Variants in MARCHF10 observed in about 807,000 individuals in gnomAD.
MARCHF10 encodes probable E3 ubiquitin-protein ligase MARCHF10.
Under a neutral mutation model 76.2 loss-of-function variants are expected in MARCHF10, and 64 were observed. The ratio of observed to expected loss-of-function variants is 0.84; its 90% CI spans 0.69 to 1.03. The LOEUF (loss-of-function observed/expected upper bound fraction) is 1.03, where lower values mean the gene tolerates loss of function less well. Among genes scored for constraint, MARCHF10 ranks in the 50% least tolerant of loss-of-function variants. The pLI is 0.00. For missense variants in MARCHF10, 875 were observed against 958.0 expected (o/e 0.91, Z 1.14); for synonymous variants, 340 against 357.5 (o/e 0.95, Z 0.55).
intron 2 of MARCHF10, among the ~76,000 whole-genome samples, chr17:62,796,986 C>A (rs1021809657): frequency 6.6e-6 from 1 of 151,926 alleles, no homozygotes; most frequent in Non-Finnish European, 1.5e-5. Flanking sequence ...ACTGCACCCC[C>A]ACCTGGACAA....
intron 2 of MARCHF10, among the ~76,000 whole-genome samples, chr17:62,794,386 T>A (rs2092949967): frequency 6.6e-6 from 1 of 152,252 alleles, no homozygotes; most frequent in Admixed American, 6.5e-5. Context: ...ATTTCTAAAG[T>A]CAGCCTTTGC....
chr17:62,704,202 G>A (rs1181469969), intron 10 of MARCHF10, among the ~76,000 whole-genome samples: 3 of 151,554 alleles, frequency 2.0e-5, no homozygotes, highest in African/African-American at 7.3e-5. Context: ...GCGCGGGGCG[G>A]GCGGCGGCGG....
chr17:62,757,272 A>T (rs1478541756), intron 4 of MARCHF10, among the ~76,000 whole-genome samples: 1 of 152,194 alleles, frequency 6.6e-6, no homozygotes, highest in Non-Finnish European at 1.5e-5. Context: ...TCTGACATGG[A>T]AGAAGTTTTG....
At chr17:62,716,431 C>CAA (rs67814270) in intron 8 of MARCHF10, among the ~76,000 whole-genome samples, 37 of 124,760 alleles carry the variant, frequency 3.0e-4, no homozygotes, top group African/African-American at 7.8e-4. Context: ...CCCCATCTCT[C>CAA]AAAAAAAAAA....
intron 4 of MARCHF10, among the ~76,000 whole-genome samples, chr17:62,748,100 G>A (rs1018225484): frequency 1.3e-5 from 2 of 152,146 alleles, no homozygotes; most frequent in Non-Finnish European, 2.9e-5. Flanking sequence ...GTGTACATGG[G>A]TTTAAGAGTT....
intron 8 of MARCHF10, among the ~76,000 whole-genome samples, chr17:62,714,087 G>A (rs981819148): frequency 2.0e-5 from 3 of 152,256 alleles, no homozygotes; most frequent in Non-Finnish European, 4.4e-5. Context: ...GTGTGTCTGA[G>A]GACATCTGTC....
chr17:62,758,940 G>A (rs1213747782), intron 4 of MARCHF10, among the ~76,000 whole-genome samples: 1 of 152,140 alleles, frequency 6.6e-6, no homozygotes, highest in Non-Finnish European at 1.5e-5. Flanking sequence ...AGATGAGCCC[G>A]AGAGACATTA....
chr17:62,794,035 C>T (rs2092940431), intron 2 of MARCHF10, among the ~76,000 whole-genome samples: 1 of 150,300 alleles, frequency 6.7e-6, no homozygotes, highest in South Asian at 2.1e-4. Flanking sequence ...CTACCATTTC[C>T]ATCACATCTC....
chr17:62,732,841 A>G (rs1330669746), intron 6 of MARCHF10, among the ~76,000 whole-genome samples: 3 of 151,628 alleles, frequency 2.0e-5, no homozygotes, highest in African/African-American at 7.3e-5. Flanking sequence ...AAAAATACAA[A>G]AATTAGCTGG....
intron 9 of MARCHF10, among the ~76,000 whole-genome samples, chr17:62,710,035 C>T (rs999333663): frequency 6.6e-6 from 1 of 152,222 alleles, no homozygotes; most frequent in Non-Finnish European, 1.5e-5. Context: ...CTTGCAACTT[C>T]TTCCTAGTCC....
Position 62,789,148 on chromosome 17 carries a change from T to C in MARCHF10, c.91-549A>G, listed in dbSNP as rs573051550. ...TAATAAATTCAAACAATAAACATAC[T>C]GAGAGGCATTTTGTCAAGAATGTAC... On this transcript the variant is annotated intron_variant, in intron 2 of 10. Coordinates refer to ENST00000311269, the MANE Select transcript of MARCHF10 (RefSeq NM_152598.4). Among the ~76,000 whole-genome samples, 18 of 150,276 alleles carry C rather than the reference T, an allele frequency of 1.2e-4. No homozygotes were observed. The South Asian group carries it at 3.4e-3, about 28-fold the overall frequency.
chr17:62,736,800 T>C lies in MARCHF10; in HGVS notation c.1068A>G (p.Ile356Met). 1 of 1,614,188 alleles carries C rather than the reference T, an allele frequency of 6.2e-7. No individual in the cohort carries two copies. The highest frequency in any genetic ancestry group is 8.5e-7 in the Non-Finnish European group (1 of 1,180,030). ...RSEPSHGSLR[I>M]SNAMEPATER... Reference sequence around the variant, plus strand: ...CTGTTGCTGGCTCCATTGCATTGCTTATTCTCAATGAGCCATGACTGGGCT... The same window carrying C: ...CTGTTGCTGGCTCCATTGCATTGCTCATTCTCAATGAGCCATGACTGGGCT... The change falls in exon 6 of 11, where the codon ATA becomes ATG. Residue 356 changes from isoleucine to methionine, a missense_variant. Transcript: ENST00000311269.
chr17:62,746,864 C>T (rs2091723150), intron 4 of MARCHF10: 1 of 1,534,404 alleles, frequency 6.5e-7, no homozygotes, highest in Admixed American at 2.0e-5. Context: ...ACTGCATTCA[C>T]CTTCACAGGG....
At chr17:62,752,490 C>T (rs985723666) in intron 4 of MARCHF10, among the ~76,000 whole-genome samples, 8 of 152,196 alleles carry the variant, frequency 5.3e-5, no homozygotes, top group African/African-American at 9.7e-5. Context: ...GCAGAGGCAA[C>T]CTCCACTGAC....
At chr17:62,761,960 G>A (rs2092215366) in intron 3 of MARCHF10, among the ~76,000 whole-genome samples, 1 of 152,258 alleles carries the variant, frequency 6.6e-6, no homozygotes, top group South Asian at 2.1e-4. Flanking sequence ...GGCCCTGCAA[G>A]TGAGCCCTTT....
chr17:62,736,372 G>A lies in MARCHF10; in HGVS notation c.1496C>T (p.Ser499Leu). 1 of 1,614,204 alleles carries A rather than the reference G, an allele frequency of 6.2e-7. No individual in the cohort carries two copies. The highest frequency in any genetic ancestry group is 8.5e-7 in the Non-Finnish European group (1 of 1,180,042). Reference protein sequence around the residue: ...LSMSSTSVHSSDSEGNSGFHV... With the variant: ...LSMSSTSVHSLDSEGNSGFHV... ...AAACCCTGAGTTTCCCTCTGAGTCT[G>A]AGCTGTGAACTGAAGTCGATGACAT... The change falls in exon 6 of 11, where the codon TCA becomes TTA. Residue 499 changes from serine to leucine, a missense_variant. By Grantham distance (145) the Ser-to-Leu change is moderately radical. Transcript: ENST00000311269.
chr17:62,795,356 C>CAAAAAAAAAAAAAAAAA (rs61564298), intron 2 of MARCHF10, among the ~76,000 whole-genome samples: 5 of 52,936 alleles, frequency 9.4e-5, no homozygotes, highest in African/African-American at 3.5e-4. Context: ...ATCATTTGAT[C>CAAAAAAAAAAAAAAAAA]AAAAAAAAAA....
chr17:62,759,899 CT>C lies in MARCHF10; in HGVS notation c.317del (p.Gln106ArgfsTer7). 6.2e-7 allele frequency: 1 copy of C among 1,614,086 alleles called. No individual in the cohort carries two copies. The highest frequency in any genetic ancestry group is 8.5e-7 in the Non-Finnish European group (1 of 1,180,018). On this transcript the variant is annotated frameshift_variant, in exon 4 of 11. Coordinates refer to ENST00000311269, the MANE Select transcript of MARCHF10 (RefSeq NM_152598.4). LOFTEE classifies it high-confidence loss of function. ...TTACAGTCATGGTACTTTTATGTTT[CT>C]GCTTGACTGATGTTTGGTCAATTGC... is the stretch of plus-strand genomic sequence containing the variant. ...LPAIDQTSVKQKHKSTMTVRK... is the reference protein window; with the variant it reads ...LPAIDQTSVKXKHKSTMTVRK...
intron 5 of MARCHF10, chr17:62,737,672 C>G (rs1405495540): frequency 4.2e-6 from 1 of 235,450 alleles, no homozygotes; most frequent in African/African-American, 2.3e-5. Context: ...TTGTTCCATA[C>G]GTACTGAAAG....
Sources: allele counts gnomAD v4.1 joint callset (sites outside exome capture counted in the v4.1 genomes callset), GRCh38; gene constraint gnomAD v4.1.1; transcripts MANE v1.5; gene names NCBI Gene and HGNC (gene_info 2026-07-23, HGNC 2026-07-21).